Variants in GABRG3 observed in about 807,000 individuals in gnomAD.
GABRG3 encodes gamma-aminobutyric acid type A receptor subunit gamma3.
In GABRG3, 25 loss-of-function variants were observed where a neutral mutation model predicts 48.8. The observed-to-expected ratio is 0.51, with a 90% CI of 0.37 to 0.72. The LOEUF (loss-of-function observed/expected upper bound fraction) is 0.72, where lower values mean the gene tolerates loss of function less well. Ranked by LOEUF, GABRG3 falls within the 30% of genes least tolerant of loss-of-function variation. GABRG3 has a pLI of 0.00. For missense variants in GABRG3, 394 were observed against 577.9 expected (o/e 0.68, Z 3.26); for synonymous variants, 227 against 217.6 (o/e 1.04, Z -0.38).
chr15:27,114,892 T>C (rs918033344), intron 3 of GABRG3, among the ~76,000 whole-genome samples: 1 of 152,146 alleles, frequency 6.6e-6, no homozygotes, highest in African/African-American at 2.4e-5. Context: ...AACTCGCAGA[T>C]GTAATTAGCA....
At chr15:27,006,283 C>A (rs1895583294) in intron 2 of GABRG3, among the ~76,000 whole-genome samples, 1 of 151,966 alleles carries the variant, frequency 6.6e-6, no homozygotes, top group Admixed American at 6.6e-5. Flanking sequence ...CTCATTGCAA[C>A]CTCTGCCTCC....
intron 7 of GABRG3, among the ~76,000 whole-genome samples, chr15:27,525,466 A>G (rs1184587974): frequency 6.6e-6 from 1 of 152,152 alleles, no homozygotes; most frequent in Non-Finnish European, 1.5e-5. Flanking sequence ...GGTAGCTTAG[A>G]TCCCTGAACT....
intron 3 of GABRG3, among the ~76,000 whole-genome samples, chr15:27,320,917 G>A (rs1338131170): frequency 6.6e-6 from 1 of 152,120 alleles, no homozygotes; most frequent in Non-Finnish European, 1.5e-5. Context: ...ATTAACATCA[G>A]GTGACTGACA....
At chr15:27,108,103 G>T (rs1173180072) in intron 3 of GABRG3, among the ~76,000 whole-genome samples, 1 of 151,220 alleles carries the variant, frequency 6.6e-6, no homozygotes, top group Admixed American at 6.6e-5. Context: ...TCATCTGTTT[G>T]TTTTAGGCCT....
At chr15:27,043,321 A>G (rs559729770) in intron 3 of GABRG3, among the ~76,000 whole-genome samples, 6 of 152,218 alleles carry the variant, frequency 3.9e-5, no homozygotes, top group Non-Finnish European at 8.8e-5. Context: ...TAAAGAGTTT[A>G]TAGGAGACCG....
At chr15:27,025,016 C>A (rs1273135261) in intron 2 of GABRG3, among the ~76,000 whole-genome samples, 1 of 135,876 alleles carries the variant, frequency 7.4e-6, no homozygotes, top group East Asian at 2.2e-4. Flanking sequence ...CAAAGCAAGA[C>A]CCTGTCTCAA....
intron 3 of GABRG3, among the ~76,000 whole-genome samples, chr15:27,121,409 G>A (rs568706100): frequency 6.3e-4 from 96 of 152,292 alleles, no homozygotes; most frequent in South Asian, 2.1e-3. Context: ...TCCCTTCGGC[G>A]ATACCACCCT....
intron 1 of GABRG3, among the ~76,000 whole-genome samples, chr15:26,972,323 C>A (rs1042083010): frequency 6.6e-6 from 1 of 152,154 alleles, no homozygotes; most frequent in African/African-American, 2.4e-5. Flanking sequence ...CTAATGGGAG[C>A]TTAGAATCAC....
chr15:27,244,919 G>C (rs376125548), intron 3 of GABRG3, among the ~76,000 whole-genome samples: 2 of 152,128 alleles, frequency 1.3e-5, no homozygotes, highest in Non-Finnish European at 2.9e-5. Flanking sequence ...GCAACAGTGT[G>C]TATGGGGTGG....
At chr15:27,228,123 T>C (rs1177978383) in intron 3 of GABRG3, among the ~76,000 whole-genome samples, 1 of 152,224 alleles carries the variant, frequency 6.6e-6, no homozygotes, top group Non-Finnish European at 1.5e-5. Context: ...GTTTGTTACA[T>C]AGATAAACAC....
At chr15:27,175,861 T>C (rs1320700798) in intron 3 of GABRG3, among the ~76,000 whole-genome samples, 1 of 152,082 alleles carries the variant, frequency 6.6e-6, no homozygotes, top group Non-Finnish European at 1.5e-5. Flanking sequence ...AAAGAGACAT[T>C]GTTCCTTCCT....
chr15:27,079,239 C>T (rs1296171584), intron 3 of GABRG3, among the ~76,000 whole-genome samples: 1 of 152,002 alleles, frequency 6.6e-6, no homozygotes, highest in African/African-American at 2.4e-5. Flanking sequence ...ATCAAAGAGC[C>T]AGGAGTTGCT....
At chr15:27,456,082 G>A (rs938551896) in intron 5 of GABRG3, among the ~76,000 whole-genome samples, 2 of 152,110 alleles carry the variant, frequency 1.3e-5, no homozygotes, top group South Asian at 4.1e-4. Flanking sequence ...GGGTGACTAT[G>A]GTCCCGCACT....
intron 3 of GABRG3, among the ~76,000 whole-genome samples, chr15:27,172,020 A>AC (rs5811479): frequency 0.54 from 81,428 of 151,920 alleles, 22,355 homozygotes; most frequent in African/African-American, 0.65. Context: ...GGCCAAACTT[A>AC]CTTTAATCAG....
At chr15:27,351,915 G>A (rs1894624015) in intron 5 of GABRG3, among the ~76,000 whole-genome samples, 1 of 148,928 alleles carries the variant, frequency 6.7e-6, no homozygotes, top group Non-Finnish European at 1.5e-5. Context: ...TGTATAGTGT[G>A]TGTGTGTTTG....
chr15:27,031,773 A>G (rs569699785), intron 3 of GABRG3, among the ~76,000 whole-genome samples: 4 of 152,196 alleles, frequency 2.6e-5, no homozygotes, highest in Non-Finnish European at 5.9e-5. Flanking sequence ...TGTGGAAGGT[A>G]AATTCCATTT....
chr15:27,149,303 A>G (rs1035502124), intron 3 of GABRG3, among the ~76,000 whole-genome samples: 2 of 151,198 alleles, frequency 1.3e-5, no homozygotes, highest in African/African-American at 4.8e-5. Flanking sequence ...TAAGACTTGT[A>G]TACTAGGAAC....
chr15:27,487,962 C>G (rs1316365481), intron 6 of GABRG3, among the ~76,000 whole-genome samples: 1 of 152,130 alleles, frequency 6.6e-6, no homozygotes, highest in Non-Finnish European at 1.5e-5. Context: ...TTAAAAGTAT[C>G]TTAGTTCATG....
At chr15:27,416,222 G>T (rs1053019744) in intron 5 of GABRG3, among the ~76,000 whole-genome samples, 2 of 152,136 alleles carry the variant, frequency 1.3e-5, no homozygotes, top group African/African-American at 4.8e-5. Flanking sequence ...GCTTTAAAAT[G>T]GCCTCTAATC....
Sources: gnomAD v4.1 joint callset for allele counts (sites outside exome capture counted in the v4.1 genomes callset) on GRCh38, gnomAD v4.1.1 for gene constraint, MANE v1.5 for transcripts, NCBI Gene and HGNC (gene_info 2026-07-23, HGNC 2026-07-21) for gene names.